Variants in FUNDC1 observed in about 807,000 individuals in gnomAD.
FUNDC1 encodes FUN14 domain-containing protein 1.
A neutral mutation model predicts 14.5 loss-of-function variants in FUNDC1; 10 were observed. The ratio of observed to expected loss-of-function variants is 0.69; its 90% confidence interval spans 0.43 to 1.17. The LOEUF is 1.17. FUNDC1 is among the 50% of genes most tolerant of loss of function. FUNDC1 has a pLI of 0.00. For missense variants in FUNDC1, 115 were observed against 113.8 expected (o/e 1.01, Z -0.05); for synonymous variants, 33 against 39.7 (o/e 0.83, Z 0.64).
chrX:44,528,759 T>C (rs2038911429), intron 3 of FUNDC1, among the ~76,000 whole-genome samples: 1 of 112,747 alleles, frequency 8.9e-6, no homozygotes, highest in Non-Finnish European at 1.9e-5. Context: ...TGCAGTGGCG[T>C]GATCTCTGCT....
intron 4 of FUNDC1, among the ~76,000 whole-genome samples, chrX:44,526,213 G>A (rs1305558081): frequency 9.0e-6 from 1 of 111,368 alleles, no homozygotes. Context: ...GGTGGATCAT[G>A]AGGTCAGGAG....
intron 2 of FUNDC1, among the ~76,000 whole-genome samples, chrX:44,541,027 C>G (rs968704282): frequency 8.9e-6 from 1 of 111,878 alleles, no homozygotes; most frequent in Non-Finnish European, 1.9e-5. Context: ...AAGAGTGGGT[C>G]ATTATTCCAA....
chrX:44,526,268 A>C (rs1046282407), intron 4 of FUNDC1, among the ~76,000 whole-genome samples: 1 of 110,629 alleles, frequency 9.0e-6, no homozygotes, highest in African/African-American at 3.3e-5. Context: ...GTCTCTACTA[A>C]AGATACAAAA....
chrX:44,542,734 A>C lies in FUNDC1; in HGVS notation c.28+71T>G, dbSNP rs932854211. ...AGAATCCTAGGGCAGGGGAAGGAAG[A>C]GGTGCCATAGGAGCAAGGTCGAGAG... On this transcript the variant is annotated intron_variant, in intron 1 of 4. Coordinates refer to ENST00000378045, the MANE Select transcript of FUNDC1 (RefSeq NM_173794.4). The C allele has an allele frequency of 1.6e-5, 16 of 998,381 alleles. No homozygotes were observed. In the African/African-American group the frequency reaches 2.4e-4, roughly 15 times the overall value. 82.3% of individuals were successfully genotyped at this position (998,381 alleles called of 1,213,427 possible).
chrX:44,540,552 T>C (rs926608517), intron 2 of FUNDC1, among the ~76,000 whole-genome samples: 2 of 111,140 alleles, frequency 1.8e-5, no homozygotes, highest in African/African-American at 3.3e-5. Flanking sequence ...TGTGTATCCA[T>C]TGCTTGATGG....
At chrX:44,526,072 C>T (rs1237582251) in intron 4 of FUNDC1, among the ~76,000 whole-genome samples, 19 of 104,582 alleles carry the variant, frequency 1.8e-4, no homozygotes, top group Non-Finnish European at 3.1e-4. Flanking sequence ...CCACTGCATT[C>T]CAGCCTAAGC....
At position 44,526,090 on chromosome X, in the gene FUNDC1, C is replaced by T. The variant is rs551229844; in HGVS notation, c.390+1147G>A. 2.5e-4 allele frequency among the ~76,000 whole-genome samples: 24 copies of T among 94,370 alleles called. No homozygotes were observed. In the South Asian group the frequency reaches 0.012, roughly 49 times the overall value. 81.9% of individuals were successfully genotyped at this position (94,370 alleles called of 115,157 possible). ...CTGCATTCCAGCCTAAGCAACACAGCGAGACAGAATGAGACCTGTCTCAAA... is the reference window on the plus strand; with the variant it reads ...CTGCATTCCAGCCTAAGCAACACAGTGAGACAGAATGAGACCTGTCTCAAA... On this transcript the variant is annotated intron_variant, in intron 4 of 4. Coordinates refer to ENST00000378045, the MANE Select transcript of FUNDC1 (RefSeq NM_173794.4).
intron 3 of FUNDC1, among the ~76,000 whole-genome samples, chrX:44,537,390 T>A (rs1032389583): frequency 1.8e-5 from 2 of 111,959 alleles, no homozygotes; most frequent in African/African-American, 6.5e-5. Context: ...TGCTCTTGAT[T>A]CCATATAAAA....
chrX:44,526,487 A>AAG (rs774647431), intron 4 of FUNDC1, among the ~76,000 whole-genome samples: 1 of 89,667 alleles, frequency 1.1e-5, no homozygotes, highest in Non-Finnish European at 2.2e-5. Flanking sequence ...AAAATAAAAA[A>AAG]GGGGGGGGGG....
intron 4 of FUNDC1, among the ~76,000 whole-genome samples, chrX:44,526,678 A>G (rs1470089305): frequency 1.8e-5 from 2 of 110,784 alleles, no homozygotes; most frequent in Non-Finnish European, 3.8e-5. Context: ...GATGAAGGGT[A>G]TTGAGATATT....
intron 4 of FUNDC1, 109 bp downstream of exon 4, chrX:44,527,128 A>G (rs756451838): frequency 1.6e-5 from 9 of 549,925 alleles, no homozygotes; most frequent in Non-Finnish European, 2.4e-5. Flanking sequence ...CAAAAACACC[A>G]TTTTTAAAAA....
chrX:44,531,764 A>T (rs1274077221), intron 3 of FUNDC1, among the ~76,000 whole-genome samples: 1 of 48,966 alleles, frequency 2.0e-5, no homozygotes, highest in Admixed American at 3.4e-4. Context: ...AAGAAGCTTA[A>T]AACACACACA....
At chrX:44,525,995 T>C (rs1376260251) in intron 4 of FUNDC1, among the ~76,000 whole-genome samples, 2 of 109,923 alleles carry the variant, frequency 1.8e-5, no homozygotes, top group Admixed American at 2.0e-4. Flanking sequence ...TCCCAGCTAC[T>C]TGGGAGGCTG....
intron 4 of FUNDC1, among the ~76,000 whole-genome samples, chrX:44,526,490 G>T (rs1054800093): frequency 9.8e-6 from 1 of 101,582 alleles, no homozygotes; most frequent in South Asian, 4.7e-4. Flanking sequence ...ATAAAAAAGG[G>T]GGGGGGGCGT....
chrX:44,531,278 AC>A (rs2038922577), intron 3 of FUNDC1, among the ~76,000 whole-genome samples: 1 of 56,295 alleles, frequency 1.8e-5, no homozygotes, highest in African/African-American at 2.9e-4. Context: ...ACACACACAC[AC>A]ACACACGGCT....
intron 3 of FUNDC1, among the ~76,000 whole-genome samples, chrX:44,531,243 G>GTTTCC (rs1569186851): frequency 1.7e-4 from 12 of 69,109 alleles, no homozygotes; most frequent in African/African-American, 8.4e-4. Flanking sequence ...ACTGTTTCCA[G>GTTTCC]AAAAACACAC....
intron 3 of FUNDC1, among the ~76,000 whole-genome samples, chrX:44,530,733 T>C (rs2038919054): frequency 9.1e-6 from 1 of 110,248 alleles, no homozygotes; most frequent in Non-Finnish European, 1.9e-5. Flanking sequence ...CATGTCAACA[T>C]GGTGAAACTA....
chrX:44,536,713 G>A (rs1302978240), intron 3 of FUNDC1, among the ~76,000 whole-genome samples: 2 of 111,705 alleles, frequency 1.8e-5, no homozygotes, highest in Non-Finnish European at 1.9e-5. Flanking sequence ...AGTTAAGAGT[G>A]CAAACTGGAT....
Position 44,538,466 on chromosome X carries a change from C to A in FUNDC1, c.261+1G>T. 8.3e-7 allele frequency: 1 copy of A among 1,202,118 alleles called. No individual in the cohort carries two copies. The highest frequency in any genetic ancestry group is 1.7e-5 in the African/African-American group (1 of 57,561). On this transcript the variant is annotated splice_donor_variant, in intron 3 of 4. Coordinates refer to ENST00000378045, the MANE Select transcript of FUNDC1 (RefSeq NM_173794.4). LOFTEE classifies it high-confidence loss of function. ...GGCAAGTGCTTAAAGCTCTGACATA[C>A]CTGAAGAAGAAGAAAGCCACCACCT...
Sources: gnomAD v4.1 joint callset for allele counts (sites outside exome capture counted in the v4.1 genomes callset) on GRCh38, gnomAD v4.1.1 for gene constraint, MANE v1.5 for transcripts, NCBI Gene and HGNC (gene_info 2026-07-23, HGNC 2026-07-21) for gene names.